Variants in SNAP23 observed in about 807,000 individuals in gnomAD.
SNAP23 encodes synaptosome associated protein 23.
SNAP23 carries 11 observed loss-of-function variants against 29.0 expected under a neutral mutation model. The observed-to-expected ratio is 0.38, with a 90% confidence interval of 0.24 to 0.63. SNAP23 has a LOEUF of 0.63. Ranked by LOEUF, SNAP23 falls within the 20% of genes least tolerant of loss-of-function variation. SNAP23 has a pLI of 0.58. For synonymous variants in SNAP23, 60 were observed against 82.9 expected, an observed-to-expected ratio of 0.72 and a Z score of 1.50; for missense variants, 220 against 253.9, an observed-to-expected ratio of 0.87 and a Z score of 0.91.
intron 5 of SNAP23, chr15:42,521,623 C>A: frequency 6.6e-7 from 1 of 1,524,700 alleles, no homozygotes; most frequent in African/African-American, 1.4e-5. Context: ...GATTTAACAT[C>A]AGAAGCCGGG....
upstream of SNAP23, chr15:42,495,520 G>C (rs1356897640): frequency 6.6e-6 from 1 of 152,216 alleles, no homozygotes; most frequent in Non-Finnish European, 1.5e-5. Flanking sequence ...CAGACTCTCC[G>C]TCTGCGTGGC....
rs1181324199 is a variant in SNAP23, at chr15:42,513,385, C to A, written c.100-14C>A. ...TGTTTTGTTGTACTATCAGCTTTTC[C>A]CCCCTTGTCTTAGTCTCAGGATGCA... is the stretch of plus-strand genomic sequence containing the variant. On this transcript the variant is annotated splice_polypyrimidine_tract_variant and intron_variant, in intron 3 of 7. Transcript: ENST00000249647. 2 of 1,612,516 alleles carry A rather than the reference C, an allele frequency of 1.2e-6. No homozygotes were observed. Among genetic ancestry groups the A allele is most frequent in the African/African-American group, 1.3e-5 (1 of 74,978 alleles).
intron 1 of SNAP23, among the ~76,000 whole-genome samples, chr15:42,499,722 T>G (rs376524263): frequency 7.7e-4 from 118 of 152,354 alleles, no homozygotes; most frequent in African/African-American, 2.7e-3. Flanking sequence ...GATACTGCTT[T>G]GGGCCTAATC....
intron 1 of SNAP23, among the ~76,000 whole-genome samples, chr15:42,508,559 A>AG (rs2057333803): frequency 2.0e-5 from 3 of 152,316 alleles, no homozygotes; most frequent in East Asian, 3.9e-4. Context: ...AAAAATATTA[A>AG]GCAGAACTTC....
intron 5 of SNAP23, among the ~76,000 whole-genome samples, chr15:42,527,531 G>T (rs1025598335): frequency 6.6e-6 from 1 of 151,896 alleles, no homozygotes; most frequent in Non-Finnish European, 1.5e-5. Context: ...GACCACAGGC[G>T]TGTGCCACCA....
chr15:42,513,760 C>T (rs1000985244), intron 4 of SNAP23, among the ~76,000 whole-genome samples: 6 of 151,946 alleles, frequency 3.9e-5, no homozygotes, highest in Non-Finnish European at 8.8e-5. Flanking sequence ...GCCACCACAC[C>T]CAACTATGTT....
chr15:42,515,101 C>T (rs371078528), intron 4 of SNAP23, 136 bp from the exon 5 acceptor site: 3 of 629,284 alleles, frequency 4.8e-6, no homozygotes, highest in South Asian at 1.9e-5. Context: ...CTTCTAATAC[C>T]TTTTGACACT....
chr15:42,509,736 C>T (rs2057345719), intron 1 of SNAP23, among the ~76,000 whole-genome samples: 1 of 152,058 alleles, frequency 6.6e-6, no homozygotes, highest in Non-Finnish European at 1.5e-5. Flanking sequence ...CTGCGCCTGG[C>T]CCTCAAAATC....
At position 42,521,970 on chromosome 15, in the gene SNAP23, A is replaced by T. The variant is rs532434460; in HGVS notation, c.267-6292A>T. 8.5e-5 allele frequency: 21 copies of T among 248,110 alleles called. No individual in the cohort carries two copies. In the East Asian group the frequency reaches 1.6e-3, roughly 19 times the overall value. 15.4% of individuals were successfully genotyped at this position (248,110 alleles called of 1,614,324 possible). A position where few individuals can be genotyped will look rare whatever the true frequency, so the allele number is the denominator to read the frequency against. On this transcript the variant is annotated intron_variant, in intron 5 of 7. Coordinates refer to ENST00000249647, the MANE Select transcript of SNAP23 (RefSeq NM_003825.4). ...TGGAGTTTCTTAAGAAATTTAAAAT[A>T]GGTTGATCTTTGAGACAGCTGCTGC...
At chr15:42,518,534 G>C (rs1307839401) in intron 5 of SNAP23, among the ~76,000 whole-genome samples, 1 of 148,208 alleles carries the variant, frequency 6.7e-6, no homozygotes, top group Non-Finnish European at 1.5e-5. Context: ...ATCCTCCAGC[G>C]TCAGCCTCCT....
chr15:42,511,990 C>A, intron 2 of SNAP23, 87 bp downstream of exon 2: 2 of 780,778 alleles, frequency 2.6e-6, no homozygotes, highest in African/African-American at 1.8e-5. Context: ...GACATTTTGG[C>A]CTCTTCCTAG....
At chr15:42,514,239 C>T (rs1302727372) in intron 4 of SNAP23, among the ~76,000 whole-genome samples, 1 of 151,924 alleles carries the variant, frequency 6.6e-6, no homozygotes, top group Admixed American at 6.6e-5. Context: ...CTCCCACGTT[C>T]AAGTGATTCT....
chr15:42,497,614 A>G (rs543454020), intron 1 of SNAP23, among the ~76,000 whole-genome samples: 1 of 152,288 alleles, frequency 6.6e-6, no homozygotes, highest in African/African-American at 2.4e-5. Flanking sequence ...AGGTGCTGGG[A>G]TTACAGGCAT....
At chr15:42,519,632 C>A (rs1032426812) in intron 5 of SNAP23, among the ~76,000 whole-genome samples, 2 of 151,530 alleles carry the variant, frequency 1.3e-5, no homozygotes, top group African/African-American at 2.4e-5. Flanking sequence ...GGCCTCCCAA[C>A]GTGCTGGGGT....
intron 5 of SNAP23, 151 bp from the exon 6 acceptor site, chr15:42,528,111 C>T: frequency 1.7e-6 from 1 of 599,266 alleles, no homozygotes; most frequent in South Asian, 2.4e-5. Context: ...TCCATATTGC[C>T]ATGGAGCATA....
chr15:42,531,650 C>T lies in SNAP23; in HGVS notation c.*172C>T, dbSNP rs1032074593. On this transcript the variant is annotated 3_prime_UTR_variant, in exon 8 of 8. Coordinates refer to ENST00000249647, the MANE Select transcript of SNAP23 (RefSeq NM_003825.4). ...TTCTTTTTTGTTTTCTGTTGAGGGCCGACTGCTGCTCTGCCTTCCTTCTAG... is the reference window on the plus strand; with the variant it reads ...TTCTTTTTTGTTTTCTGTTGAGGGCTGACTGCTGCTCTGCCTTCCTTCTAG... 5 of 463,992 alleles carry T rather than the reference C, an allele frequency of 1.1e-5. No homozygotes were observed. The highest frequency in any genetic ancestry group is 8.3e-5 in the Admixed American group (2 of 24,136). The allele number at this position is 463,992 out of a possible 1,614,324, so 28.7% of individuals were successfully genotyped here.
intron 5 of SNAP23, 89 bp from the exon 6 acceptor site, chr15:42,528,173 G>A: frequency 7.3e-6 from 8 of 1,090,838 alleles, no homozygotes; most frequent in Non-Finnish European, 1.1e-5. Context: ...AGAGTTATTA[G>A]TGTCATCCTC....
Position 42,511,860 on chromosome 15 carries a change from C to A in SNAP23, c.14C>A (p.Ser5Ter). The change falls in exon 2 of 8, where the codon TCA (serine) becomes TAA (stop). Residue 5 changes from serine (S) to a stop codon, truncating the protein, a stop_gained. Transcript: ENST00000249647. LOFTEE classifies it high-confidence loss of function. ...TTTTGATTCATCATGGATAATCTGT[C>A]ATCAGAAGAAATTCAACAGAGAGCT... MDNL[S>*]SEEIQQRAHQ... 6.3e-7 allele frequency: 1 copy of A among 1,594,538 alleles called. No individual in the cohort carries two copies. The highest frequency in any genetic ancestry group is 1.1e-5 in the South Asian group (1 of 87,100).
chr15:42,491,578 A>G (rs2057164345), upstream of SNAP23: 1 of 152,240 alleles, frequency 6.6e-6, no homozygotes, highest in Non-Finnish European at 1.5e-5. Context: ...TGGGTAAATT[A>G]CAATTCTTCT....
Sources: gnomAD v4.1 joint callset for allele counts (sites outside exome capture counted in the v4.1 genomes callset) on GRCh38, gnomAD v4.1.1 for gene constraint, MANE v1.5 for transcripts, NCBI Gene and HGNC (gene_info 2026-07-23, HGNC 2026-07-21) for gene names.